Variants in FOXO3 observed in about 807,000 individuals in gnomAD.
FOXO3 encodes forkhead box O3, also known as forkhead box protein O3.
A neutral mutation model predicts 41.9 loss-of-function variants in FOXO3; 4 were observed. The ratio of observed to expected loss-of-function variants is 0.10; its 90% CI spans 0.05 to 0.22. The LOEUF (loss-of-function observed/expected upper bound fraction) is 0.22, where lower values mean the gene tolerates loss of function less well. Ranked by LOEUF, FOXO3 falls within the 10% of genes least tolerant of loss-of-function variation. The pLI is 1.00. For missense variants in FOXO3, 534 were observed against 906.8 expected, an observed-to-expected ratio of 0.59 and a Z score of 5.28; for synonymous variants, 318 against 389.3, an observed-to-expected ratio of 0.82 and a Z score of 2.16.
chr6:108,591,694 A>G (rs1459577624), intron 1 of FOXO3, among the ~76,000 whole-genome samples: 2 of 152,120 alleles, frequency 1.3e-5, no homozygotes, highest in Non-Finnish European at 2.9e-5. Context: ...TTTTCTTTCC[A>G]TTTGATTGAG....
At chr6:108,590,717 A>G (rs1402680295) in intron 1 of FOXO3, among the ~76,000 whole-genome samples, 2 of 152,248 alleles carry the variant, frequency 1.3e-5, no homozygotes. Flanking sequence ...ACTTATTTAG[A>G]GTTTACAATG....
chr6:108,592,055 G>A (rs1776745205), intron 1 of FOXO3, among the ~76,000 whole-genome samples: 2 of 152,126 alleles, frequency 1.3e-5, no homozygotes, highest in Admixed American at 1.3e-4. Context: ...CATTTCTGTG[G>A]AATTCTAGAA....
intron 1 of FOXO3, among the ~76,000 whole-genome samples, chr6:108,591,299 C>T (rs1430333941): frequency 1.3e-5 from 2 of 152,206 alleles, no homozygotes; most frequent in African/African-American, 4.8e-5. Flanking sequence ...CCTGTTAGAA[C>T]AGAGTTTCCC....
chr6:108,645,201 A>T (rs933032740), intron 1 of FOXO3, among the ~76,000 whole-genome samples: 2 of 152,162 alleles, frequency 1.3e-5, no homozygotes, highest in African/African-American at 4.8e-5. Context: ...GAAAAGCATA[A>T]ACTTAACCAA....
intron 1 of FOXO3, among the ~76,000 whole-genome samples, chr6:108,648,185 C>T (rs1360741004): frequency 6.6e-6 from 1 of 152,172 alleles, no homozygotes; most frequent in Non-Finnish European, 1.5e-5. Context: ...TGGAATCTGT[C>T]TGGACCCTGC....
intron 2 of FOXO3, among the ~76,000 whole-genome samples, chr6:108,667,393 C>T (rs992140255): frequency 2.6e-5 from 4 of 152,160 alleles, no homozygotes; most frequent in African/African-American, 9.7e-5. Flanking sequence ...AATGGTTTGT[C>T]TTCCTTTAAA....
At chr6:108,679,032 C>T (rs565117472) in intron 2 of FOXO3, among the ~76,000 whole-genome samples, 32 of 151,852 alleles carry the variant, frequency 2.1e-4, no homozygotes, top group East Asian at 5.8e-4. Context: ...CCACCGCGCC[C>T]GGCTAATTTT....
At chr6:108,602,297 A>G (rs1245609719) in intron 1 of FOXO3, among the ~76,000 whole-genome samples, 1 of 152,042 alleles carries the variant, frequency 6.6e-6, no homozygotes, top group South Asian at 2.1e-4. Flanking sequence ...CCATCAATGT[A>G]TGAAAGTGCC....
intron 1 of FOXO3, among the ~76,000 whole-genome samples, chr6:108,587,000 G>A (rs1467426374): frequency 6.7e-6 from 1 of 148,686 alleles, no homozygotes; most frequent in Non-Finnish European, 1.5e-5. Context: ...TAGTAGAGAT[G>A]AGGCCTTGCT....
intron 1 of FOXO3, among the ~76,000 whole-genome samples, chr6:108,613,800 T>A (rs1382591266): frequency 6.6e-6 from 1 of 152,166 alleles, no homozygotes; most frequent in Non-Finnish European, 1.5e-5. Flanking sequence ...TTGCTCTTTT[T>A]CTGGCATCTT....
Position 108,600,255 on chromosome 6 carries a change from T to C in FOXO3, c.621+38426T>C, listed in dbSNP as rs149247239. Among the ~76,000 whole-genome samples, 23 of 152,162 alleles carry C rather than the reference T, an allele frequency of 1.5e-4. 1 individual carries two copies. Among genetic ancestry groups the C allele is most frequent in the African/African-American group, 5.5e-4 (23 of 41,518 alleles). ...ACTTTATTTCCTCCCATTATAAAAC[T>C]ATGTGTGGGCCAGGTATGGTGGCTC... On this transcript the variant is annotated intron_variant, in intron 1 of 2. Coordinates refer to ENST00000406360, the MANE Select transcript of FOXO3 (RefSeq NM_001455.4).
intron 1 of FOXO3, among the ~76,000 whole-genome samples, chr6:108,655,208 G>T (rs185858649): frequency 6.6e-6 from 1 of 152,150 alleles, no homozygotes; most frequent in Admixed American, 6.5e-5. Flanking sequence ...TGTCCCCAAG[G>T]CAGGGTAAGG....
intron 2 of FOXO3, among the ~76,000 whole-genome samples, chr6:108,670,754 C>A (rs1779194070): frequency 6.6e-6 from 1 of 152,184 alleles, no homozygotes; most frequent in Admixed American, 6.5e-5. Context: ...AGTCAGCACC[C>A]CCTTGGAGAC....
intron 1 of FOXO3, among the ~76,000 whole-genome samples, chr6:108,621,523 GTCTT>G (rs1276138982): frequency 6.6e-6 from 1 of 151,670 alleles, no homozygotes; most frequent in Non-Finnish European, 1.5e-5. Flanking sequence ...GTTGGGATGA[GTCTT>G]TCACCATGTT....
intron 1 of FOXO3, among the ~76,000 whole-genome samples, chr6:108,616,263 C>T (rs1777509297): frequency 6.9e-6 from 1 of 145,748 alleles, no homozygotes; most frequent in Non-Finnish European, 1.5e-5. Context: ...CTCGTGGGTT[C>T]ACACCATTCT....
chr6:108,672,851 T>A (rs1779256647), intron 2 of FOXO3, among the ~76,000 whole-genome samples: 1 of 152,114 alleles, frequency 6.6e-6, no homozygotes, highest in South Asian at 2.1e-4. Context: ...GGGATTTTTT[T>A]GTTTCCTTTT....
At chr6:108,628,476 A>G (rs1240595591) in intron 1 of FOXO3, among the ~76,000 whole-genome samples, 1 of 152,246 alleles carries the variant, frequency 6.6e-6, no homozygotes, top group Non-Finnish European at 1.5e-5. Context: ...CATTTAAAAA[A>G]TCTTTTTCTC....
intron 1 of FOXO3, among the ~76,000 whole-genome samples, chr6:108,618,729 G>T (rs1777586245): frequency 6.6e-6 from 1 of 152,184 alleles, no homozygotes; most frequent in Non-Finnish European, 1.5e-5. Flanking sequence ...CTGCTTTCTG[G>T]TGCTCGTATC....
intron 2 of FOXO3, among the ~76,000 whole-genome samples, chr6:108,671,118 G>A (rs1465446234): frequency 6.6e-6 from 1 of 152,152 alleles, no homozygotes; most frequent in African/African-American, 2.4e-5. Context: ...TGATGTGCCT[G>A]GTTTTCTGGG....
Sources: allele counts gnomAD v4.1 joint callset (sites outside exome capture counted in the v4.1 genomes callset), GRCh38; gene constraint gnomAD v4.1.1; transcripts MANE v1.5; gene names NCBI Gene and HGNC (gene_info 2026-07-23, HGNC 2026-07-21).